Variants in PAM observed in about 807,000 individuals in gnomAD.
The protein encoded by PAM is peptidylglycine alpha-amidating monooxygenase.
In PAM, 72 loss-of-function variants were observed where a neutral mutation model predicts 122.1. The ratio of observed to expected loss-of-function variants is 0.59; its 90% CI spans 0.49 to 0.72. The LOEUF (loss-of-function observed/expected upper bound fraction) is 0.72. Ranked by LOEUF, PAM falls within the 30% of genes least tolerant of loss-of-function variation. The pLI, the probability that PAM is intolerant of heterozygous loss-of-function variation, is 0.00. For synonymous variants in PAM, 389 were observed against 404.4 expected, an observed-to-expected ratio of 0.96 and a Z score of 0.46; for missense variants, 1,106 against 1,183.7, an observed-to-expected ratio of 0.93 and a Z score of 0.96.
At chr5:102,924,911 T>C in intron 5 of PAM, 46 bp from the exon 6 acceptor site, 6 of 1,011,906 alleles carry the variant, frequency 5.9e-6, no homozygotes, top group Non-Finnish European at 9.5e-6. Context: ...AATTTATGCA[T>C]TTCACTATTT....
intron 21 of PAM, among the ~76,000 whole-genome samples, chr5:103,016,649 A>G (rs1782083993): frequency 6.6e-6 from 1 of 152,118 alleles, no homozygotes; most frequent in Non-Finnish European, 1.5e-5. Context: ...AGAGAAAGAT[A>G]TATTAAAATA....
chr5:102,974,375 A>G lies in PAM; in HGVS notation c.1422A>G (p.Arg474=), dbSNP rs905730136. Residue 474 remains arginine (R), a synonymous_variant, in exon 15 of 26, where the codon AGA becomes AGG. Coordinates refer to ENST00000438793, the MANE Select transcript of PAM (RefSeq NM_001177306.2). ...LVSTLRPPES[R]VFSLQQPPPG... is the part of the protein sequence containing the mutation. ...CTACCTTGAGGCCACCAGAGAGCAG[A>G]GTTTTCTCATTACAGCAGCCCCCAC... The G allele has an allele frequency of 6.2e-7, 1 of 1,614,082 alleles. No homozygotes were observed. The highest frequency in any genetic ancestry group is 8.5e-7 in the Non-Finnish European group (1 of 1,179,962).
At chr5:102,791,311 C>G (rs1761998140) in intron 1 of PAM, among the ~76,000 whole-genome samples, 1 of 151,952 alleles carries the variant, frequency 6.6e-6, no homozygotes, top group Non-Finnish European at 1.5e-5. Flanking sequence ...TTTAAAAAAG[C>G]CATGTGACAG....
chr5:102,910,822 C>T (rs1029113948), intron 4 of PAM, among the ~76,000 whole-genome samples: 1 of 151,850 alleles, frequency 6.6e-6, no homozygotes, highest in African/African-American at 2.4e-5. Context: ...AGAAAAGAGA[C>T]ATTTCTTTTT....
At chr5:103,006,413 G>A (rs1778992176) in intron 18 of PAM, among the ~76,000 whole-genome samples, 1 of 152,058 alleles carries the variant, frequency 6.6e-6, no homozygotes. Context: ...ATGAATAGGT[G>A]GCAAATAACT....
chr5:102,857,270 G>A (rs532042875), intron 1 of PAM, among the ~76,000 whole-genome samples: 13 of 152,178 alleles, frequency 8.5e-5, no homozygotes, highest in South Asian at 6.2e-4. Flanking sequence ...TGCTGGCCAC[G>A]TCAAAAAGGG....
chr5:102,960,704 A>G (rs942714649), intron 13 of PAM, among the ~76,000 whole-genome samples: 6 of 151,862 alleles, frequency 4.0e-5, no homozygotes, highest in African/African-American at 1.4e-4. Context: ...GTTCAGTCTT[A>G]ACACGCTAGA....
chr5:103,001,217 T>A (rs937340857), intron 16 of PAM, among the ~76,000 whole-genome samples: 4 of 152,176 alleles, frequency 2.6e-5, no homozygotes, highest in Non-Finnish European at 5.9e-5. Context: ...GGAATAGTTA[T>A]GATGTTTTTA....
At chr5:102,933,530 G>A (rs1382016711) in intron 7 of PAM, among the ~76,000 whole-genome samples, 3 of 152,184 alleles carry the variant, frequency 2.0e-5, no homozygotes, top group African/African-American at 7.2e-5. Flanking sequence ...CTGAACACAG[G>A]GTGTGCATCT....
intron 16 of PAM, among the ~76,000 whole-genome samples, chr5:102,996,155 G>A (rs1775641944): frequency 6.6e-6 from 1 of 152,096 alleles, no homozygotes; most frequent in Non-Finnish European, 1.5e-5. Context: ...AGCTGCTAAT[G>A]TGAAAAATCA....
intron 1 of PAM, among the ~76,000 whole-genome samples, chr5:102,769,258 T>C (rs1755049265): frequency 6.6e-6 from 1 of 152,166 alleles, no homozygotes; most frequent in Non-Finnish European, 1.5e-5. Context: ...ACTAATCCTT[T>C]GTCAGATGGA....
chr5:103,014,543 G>A (rs375096371), intron 21 of PAM, among the ~76,000 whole-genome samples: 56 of 152,258 alleles, frequency 3.7e-4, no homozygotes, highest in African/African-American at 1.3e-3. Context: ...TTAATTTTGG[G>A]TGAAGGAAAT....
At chr5:102,933,000 A>G (rs999525321) in intron 7 of PAM, among the ~76,000 whole-genome samples, 3 of 152,198 alleles carry the variant, frequency 2.0e-5, no homozygotes, top group Non-Finnish European at 4.4e-5. Flanking sequence ...TACATGGAGG[A>G]AAAGATGAGT....
intron 1 of PAM, among the ~76,000 whole-genome samples, chr5:102,773,862 C>G (rs936859332): frequency 1.1e-4 from 16 of 151,972 alleles, no homozygotes. Flanking sequence ...TATCTTTTCT[C>G]TTCCTCTCCC....
chr5:102,932,544 T>G (rs1193249257), intron 7 of PAM, among the ~76,000 whole-genome samples: 1 of 148,756 alleles, frequency 6.7e-6, no homozygotes, highest in African/African-American at 2.5e-5. Flanking sequence ...CACACATATA[T>G]GTATGTATGT....
chr5:102,930,476 T>C (rs1490728537), intron 7 of PAM, among the ~76,000 whole-genome samples: 2 of 152,070 alleles, frequency 1.3e-5, no homozygotes, highest in African/African-American at 4.8e-5. Context: ...AAGGTAAAAG[T>C]AGATGCAGAG....
At chr5:102,926,396 T>C (rs1468950186) in intron 6 of PAM, among the ~76,000 whole-genome samples, 189 bp from the exon 7 acceptor site, 2 of 152,266 alleles carry the variant, frequency 1.3e-5, no homozygotes, top group Non-Finnish European at 2.9e-5. Context: ...AATTTCATCA[T>C]AGTTTTGAGG....
At chr5:102,901,705 G>T (rs942347947) in intron 4 of PAM, among the ~76,000 whole-genome samples, 1 of 151,456 alleles carries the variant, frequency 6.6e-6, no homozygotes, top group Non-Finnish European at 1.5e-5. Flanking sequence ...TCTGTCTGTG[G>T]CAGGATGCTT....
intron 1 of PAM, among the ~76,000 whole-genome samples, chr5:102,757,325 A>AG (rs1211372785): frequency 1.8e-5 from 2 of 112,986 alleles, no homozygotes; most frequent in African/African-American, 3.6e-5. Context: ...GACTCTCTCA[A>AG]AAAAAGATAA....
Sources: allele counts gnomAD v4.1 joint callset (sites outside exome capture counted in the v4.1 genomes callset), GRCh38; gene constraint gnomAD v4.1.1; transcripts MANE v1.5; gene names NCBI Gene and HGNC (gene_info 2026-07-23, HGNC 2026-07-21).